Variants in RNF125 observed in about 807,000 individuals in gnomAD.
RNF125 encodes ring finger protein 125.
A neutral mutation model predicts 26.0 loss-of-function variants in RNF125; 21 were observed. The ratio of observed to expected loss-of-function variants is 0.81; its 90% CI spans 0.57 to 1.16. RNF125 has a LOEUF of 1.16. Ranked by LOEUF, RNF125 falls within the 50% of genes most tolerant of loss-of-function variation. The probability of loss-of-function intolerance (pLI) is 0.00; values close to 1 mark genes in which losing one functional copy is unlikely to be tolerated. For synonymous variants in RNF125, 95 were observed against 109.2 expected, an observed-to-expected ratio of 0.87 and a Z score of 0.81; for missense variants, 270 against 299.4, an observed-to-expected ratio of 0.90 and a Z score of 0.72.
the RNF125 span, among the ~76,000 whole-genome samples, chr18:32,081,266 A>T: frequency 1.3e-5 from 2 of 151,944 alleles, no homozygotes; most frequent in East Asian, 3.8e-4. Flanking sequence ...AAAAAACAAC[A>T]AACAAAAAAT....
At chr18:32,037,364 CTTTT>C (rs796828237) in intron 2 of RNF125, 95 bp downstream of exon 2, 2,011 of 132,190 alleles carry the variant, frequency 0.015, no homozygotes, top group South Asian at 0.024. Context: ...TGGTACGCAC[CTTTT>C]TTTTTTTTTT....
rs2039506646 is a variant in RNF125 at position 32,068,676 on chromosome 18, T to C, written c.*292T>C. 3.3e-6 allele frequency: 1 copy of C among 300,718 alleles called. No individual in the cohort carries two copies. The highest frequency in any genetic ancestry group is 6.3e-6 in the Non-Finnish European group (1 of 158,536). 18.6% of individuals were successfully genotyped at this position (300,718 alleles called of 1,614,324 possible). A position where few individuals can be genotyped will look rare whatever the true frequency, so the allele number is the denominator to read the frequency against. ...GGCAAGTAGGTGGAGGATCTCGGTT[T>C]GCAAATTAGATAATACTCTGTGTAT... On this transcript the variant is annotated 3_prime_UTR_variant, in exon 6 of 6. Coordinates refer to ENST00000217740, the MANE Select transcript of RNF125 (RefSeq NM_017831.4).
chr18:32,027,604 T>TA (rs918792012), intron 1 of RNF125, among the ~76,000 whole-genome samples: 8 of 151,092 alleles, frequency 5.3e-5, no homozygotes, highest in South Asian at 2.1e-4. Context: ...CTGACTTGGT[T>TA]AAAAAAAAAT....
At chr18:32,050,534 TTGC>T (rs2039313483) in intron 4 of RNF125, among the ~76,000 whole-genome samples, 1 of 152,128 alleles carries the variant, frequency 6.6e-6, no homozygotes, top group African/African-American at 2.4e-5. Flanking sequence ...AGATGAGATC[TTGC>T]TATGTTGCCC....
At chr18:32,074,437 A>G (rs2039555842), downstream of RNF125, among the ~76,000 whole-genome samples, 2 of 152,222 alleles carry the variant, frequency 1.3e-5, no homozygotes, top group African/African-American at 2.4e-5. Flanking sequence ...TACACAGGGT[A>G]AAGACATTAA....
intron 1 of RNF125, among the ~76,000 whole-genome samples, chr18:32,033,225 C>T (rs1317564793): frequency 6.6e-6 from 1 of 152,100 alleles, no homozygotes; most frequent in Non-Finnish European, 1.5e-5. Flanking sequence ...TTTGTTTTTC[C>T]ATACCACAAG....
chr18:32,031,341 A>G (rs2039091395), intron 1 of RNF125: 1 of 151,998 alleles, frequency 6.6e-6, no homozygotes, highest in African/African-American at 2.4e-5. Flanking sequence ...TTTGCCATCA[A>G]TAAAATGAGG....
intron 4 of RNF125, among the ~76,000 whole-genome samples, chr18:32,047,143 T>A (rs1234343681): frequency 6.6e-6 from 1 of 152,126 alleles, no homozygotes; most frequent in African/African-American, 2.4e-5. Flanking sequence ...TTCAAGCCAT[T>A]CCCCTGCCTC....
rs141154492 is a variant in RNF125, at chr18:32,037,320, G to A, written c.318+51G>A. 6.1e-3 allele frequency: 7,302 copies of A among 1,190,452 alleles called. 52 individuals are homozygous for A. Among genetic ancestry groups the A allele is most frequent in the Middle Eastern group, 0.041 (188 of 4,542 alleles). The allele number at this position is 1,190,452 out of a possible 1,614,324, so 73.7% of individuals were successfully genotyped here. On this transcript the variant is annotated intron_variant, in intron 2 of 5. Transcript: ENST00000217740. Reference sequence around the variant, plus strand: ...CATGGTTACCAGCTTAAGTCCCTGCGAAAGTTATCATTTCACCTCTGCTTC... The same window carrying A: ...CATGGTTACCAGCTTAAGTCCCTGCAAAAGTTATCATTTCACCTCTGCTTC...
At chr18:32,076,588 G>GGT (rs1166960845), downstream of RNF125, among the ~76,000 whole-genome samples, 1 of 152,096 alleles carries the variant, frequency 6.6e-6, no homozygotes, top group Non-Finnish European at 1.5e-5. Flanking sequence ...TGAGATTACA[G>GGT]GTGTGAGCCA....
At chr18:32,032,625 A>G (rs2039109251) in intron 1 of RNF125, among the ~76,000 whole-genome samples, 1 of 152,088 alleles carries the variant, frequency 6.6e-6, no homozygotes, top group African/African-American at 2.4e-5. Context: ...TGGGCAGACA[A>G]TCCTTAACAG....
the RNF125 span, among the ~76,000 whole-genome samples, chr18:32,086,246 G>A: frequency 2.0e-5 from 3 of 148,284 alleles, no homozygotes; most frequent in Non-Finnish European, 4.4e-5. Context: ...TAAGAGACAA[G>A]CTCTTGCTGT....
chr18:32,086,187 C>T, the RNF125 span, among the ~76,000 whole-genome samples: 1 of 151,160 alleles, frequency 6.6e-6, no homozygotes, highest in Non-Finnish European at 1.5e-5. Context: ...CACATATAGA[C>T]AAAGAAACAT....
At chr18:32,062,769 A>AT (rs370534610) in intron 4 of RNF125, among the ~76,000 whole-genome samples, 27 of 151,492 alleles carry the variant, frequency 1.8e-4, no homozygotes, top group African/African-American at 4.1e-4. Flanking sequence ...AATTCAAGCT[A>AT]TTTTTTTTTC....
chr18:32,084,124 C>A, the RNF125 span, among the ~76,000 whole-genome samples: 5 of 151,978 alleles, frequency 3.3e-5, no homozygotes, highest in African/African-American at 1.2e-4. Context: ...GGGAGGCCGA[C>A]GCAGGTGGAT....
At chr18:32,019,138 T>C (rs1188021858) in intron 1 of RNF125, 111 bp downstream of exon 1, 3 of 1,337,632 alleles carry the variant, frequency 2.2e-6, no homozygotes, top group African/African-American at 3.0e-5. Flanking sequence ...CTTAGGAAAT[T>C]GCTGCAGGGA....
intron 2 of RNF125, 69 bp downstream of exon 2, chr18:32,037,338 T>C (rs2144464247): frequency 2.6e-6 from 2 of 768,956 alleles, no homozygotes; most frequent in Non-Finnish European, 4.0e-6. Context: ...TCATTTCACC[T>C]CTGCTTCTGA....
intron 4 of RNF125, among the ~76,000 whole-genome samples, chr18:32,061,285 A>C (rs1268432110): frequency 6.6e-5 from 10 of 152,056 alleles, no homozygotes. Context: ...TGCCCTCCCA[A>C]AGTGCTGGGA....
chr18:32,079,275 A>C, the RNF125 span, among the ~76,000 whole-genome samples: 189 of 152,294 alleles, frequency 1.2e-3, 1 homozygote, highest in African/African-American at 4.4e-3. Flanking sequence ...AAGGGGATTA[A>C]TCTCCTCTGA....
Sources: allele counts gnomAD v4.1 joint callset (sites outside exome capture counted in the v4.1 genomes callset), GRCh38; gene constraint gnomAD v4.1.1; transcripts MANE v1.5; gene names NCBI Gene and HGNC (gene_info 2026-07-23, HGNC 2026-07-21).